Variants in MACROD2 observed in about 807,000 individuals in gnomAD.
MACROD2 encodes the protein mono-ADP ribosylhydrolase 2, also known as ADP-ribose glycohydrolase MACROD2.
A neutral mutation model predicts 70.4 loss-of-function variants in MACROD2; 36 were observed. The ratio of observed to expected loss-of-function variants is 0.51; its 90% confidence interval spans 0.39 to 0.68. The LOEUF is 0.68. Ranked by LOEUF, MACROD2 falls within the 30% of genes least tolerant of loss-of-function variation. MACROD2 has a pLI of 0.00. For missense variants in MACROD2, 496 were observed against 538.4 expected (o/e 0.92, Z 0.78); for synonymous variants, 172 against 178.8 (o/e 0.96, Z 0.30).
At chr20:14,996,842 G>C (rs138022367) in intron 5 of MACROD2, among the ~76,000 whole-genome samples, 1 of 151,982 alleles carries the variant, frequency 6.6e-6, no homozygotes, top group Non-Finnish European at 1.5e-5. Context: ...ACACCAGCAG[G>C]CGGGTTTGAG....
intron 7 of MACROD2, among the ~76,000 whole-genome samples, chr20:15,490,233 C>CTCCCTTCCCTTCCCT (rs199942986): frequency 0.022 from 2,566 of 114,278 alleles, 93 homozygotes; most frequent in African/African-American, 0.071. Flanking sequence ...CCCTTCCTTC[C>CTCCCTTCCCTTCCCT]TCCCTTCCCT....
rs71190173 is a variant in MACROD2, at chr20:15,088,397, TTATA to T, written c.419-141492_419-141489del. On this transcript the variant is annotated intron_variant, in intron 5 of 17. Coordinates refer to ENST00000684519, the MANE Select transcript of MACROD2 (RefSeq NM_001351661.2). Reference sequence around the variant, plus strand: ...ACCATTAAAACATATATACTATATTTTATATATATATATATATATATATATATAT... The same window carrying T: ...ACCATTAAAACATATATACTATATTTTATATATATATATATATATATATAT... Among the ~76,000 whole-genome samples the T allele has an allele frequency of 7.0e-3, 778 of 110,378 alleles. 4 individuals carry two copies. The highest frequency in any genetic ancestry group is 0.024 in the East Asian group (52 of 2,170). 72.4% of individuals were successfully genotyped at this position (110,378 alleles called of 152,430 possible).
At chr20:15,168,402 T>C (rs1023599414) in intron 5 of MACROD2, among the ~76,000 whole-genome samples, 8 of 151,638 alleles carry the variant, frequency 5.3e-5, no homozygotes, top group Admixed American at 2.6e-4. Context: ...TTTGCCGACA[T>C]GGTCAGCTAA....
At chr20:15,443,373 C>T (rs1419591633) in intron 7 of MACROD2, among the ~76,000 whole-genome samples, 1 of 152,054 alleles carries the variant, frequency 6.6e-6, no homozygotes, top group East Asian at 1.9e-4. Context: ...AAGGAAATCT[C>T]CTTAGAATCT....
intron 6 of MACROD2, among the ~76,000 whole-genome samples, chr20:15,256,180 C>T (rs1316012648): frequency 1.3e-5 from 2 of 151,946 alleles, no homozygotes; most frequent in African/African-American, 4.8e-5. Context: ...CAAAGTAATT[C>T]TTGTGTTTTA....
intron 6 of MACROD2, among the ~76,000 whole-genome samples, chr20:15,421,357 T>G (rs1451142206): frequency 7.1e-6 from 1 of 140,550 alleles, no homozygotes; most frequent in East Asian, 2.0e-4. Flanking sequence ...CCAACCTAGG[T>G]GACAGAGTGA....
At chr20:15,916,939 T>C (rs750159352) in intron 10 of MACROD2, among the ~76,000 whole-genome samples, 1 of 152,082 alleles carries the variant, frequency 6.6e-6, no homozygotes, top group Non-Finnish European at 1.5e-5. Context: ...AGATGGGAAA[T>C]ATTTTTGGCT....
At chr20:15,380,563 G>C (rs2045629699) in intron 6 of MACROD2, among the ~76,000 whole-genome samples, 1 of 151,790 alleles carries the variant, frequency 6.6e-6, no homozygotes, top group Non-Finnish European at 1.5e-5. Flanking sequence ...GTTATGTTTT[G>C]TTATTATCTA....
chr20:15,611,024 G>T (rs2048961918), intron 8 of MACROD2, among the ~76,000 whole-genome samples: 2 of 64,282 alleles, frequency 3.1e-5, no homozygotes, highest in African/African-American at 7.8e-5. Context: ...TTTGCCCCCA[G>T]TGAGCAAAGT....
At chr20:15,287,470 G>A (rs1285842194) in intron 6 of MACROD2, among the ~76,000 whole-genome samples, 1 of 152,208 alleles carries the variant, frequency 6.6e-6, no homozygotes, top group Non-Finnish European at 1.5e-5. Flanking sequence ...ATGAAATGAC[G>A]AGGGAGAACC....
chr20:14,325,898 C>G, intron 3 of MACROD2: 1 of 1,613,976 alleles, frequency 6.2e-7, no homozygotes, highest in Non-Finnish European at 8.5e-7. Context: ...ACCAGGGCCA[C>G]AGCCCCACCA....
intron 8 of MACROD2, among the ~76,000 whole-genome samples, chr20:15,712,875 A>G (rs2050649358): frequency 6.6e-6 from 1 of 152,246 alleles, no homozygotes; most frequent in Non-Finnish European, 1.5e-5. Flanking sequence ...TTTGACAATA[A>G]GAAAACAGCC....
intron 5 of MACROD2, among the ~76,000 whole-genome samples, chr20:14,789,225 A>G (rs2072416548): frequency 6.6e-6 from 1 of 151,982 alleles, no homozygotes; most frequent in South Asian, 2.1e-4. Context: ...ACCAGAAAAA[A>G]AAGTTAAATG....
chr20:14,891,759 C>CA (rs1218754391), intron 5 of MACROD2, among the ~76,000 whole-genome samples: 3 of 151,648 alleles, frequency 2.0e-5, no homozygotes, highest in African/African-American at 7.3e-5. Flanking sequence ...AATTCAGTAG[C>CA]AAAAAAAGAA....
intron 5 of MACROD2, among the ~76,000 whole-genome samples, chr20:14,848,200 A>G (rs1160307155): frequency 6.6e-6 from 1 of 152,220 alleles, no homozygotes; most frequent in Non-Finnish European, 1.5e-5. Flanking sequence ...AGCTTGTTCT[A>G]CAACACTGTA....
chr20:15,570,273 A>G (rs572718916), intron 8 of MACROD2, among the ~76,000 whole-genome samples: 1 of 152,074 alleles, frequency 6.6e-6, no homozygotes, highest in Non-Finnish European at 1.5e-5. Context: ...TGTGGTTTTA[A>G]TTTGCGTTTT....
intron 4 of MACROD2, among the ~76,000 whole-genome samples, chr20:14,494,993 T>C (rs1055712428): frequency 1.3e-5 from 2 of 152,158 alleles, no homozygotes; most frequent in African/African-American, 4.8e-5. Context: ...AAGTTAAAAT[T>C]GAGTCTATGT....
At chr20:15,192,769 A>G (rs549949944) in intron 5 of MACROD2, among the ~76,000 whole-genome samples, 2 of 152,352 alleles carry the variant, frequency 1.3e-5, no homozygotes, top group South Asian at 4.1e-4. Context: ...TATTGGGGAC[A>G]TTTAGAGGAT....
At position 14,326,149 on chromosome 20, in the gene MACROD2, G is replaced by A. The variant is rs1459290804; in HGVS notation, c.272-167330G>A. Reference sequence around the variant, plus strand: ...GCGTTCCCCTGTTACAATTGTTTCTGTTATAGATCCAAATGCCGGGCTATG... The same window carrying A: ...GCGTTCCCCTGTTACAATTGTTTCTATTATAGATCCAAATGCCGGGCTATG... On this transcript the variant is annotated intron_variant, in intron 3 of 17. Coordinates refer to ENST00000684519, the MANE Select transcript of MACROD2 (RefSeq NM_001351661.2). This position sits in a 1 kb window ranked among gnomAD's most constrained non-coding sequence, Gnocchi z 5.5. 1 of 1,613,848 alleles carries A rather than the reference G, an allele frequency of 6.2e-7. No individual in the cohort carries two copies. Among genetic ancestry groups the A allele is most frequent in the Non-Finnish European group, 8.5e-7 (1 of 1,179,868 alleles).
Sources: allele counts gnomAD v4.1 joint callset (sites outside exome capture counted in the v4.1 genomes callset), GRCh38; gene constraint gnomAD v4.1.1; non-coding constraint Gnocchi (gnomAD v3.1); transcripts MANE v1.5; gene names NCBI Gene and HGNC (gene_info 2026-07-23, HGNC 2026-07-21).